Variants in GPC6 observed in about 807,000 individuals in gnomAD.
GPC6 encodes the protein glypican 6, also known as glypican-6.
In GPC6, 14 loss-of-function variants were observed where a neutral mutation model predicts 55.2. That is an observed-to-expected ratio of 0.25 (90% CI 0.17 to 0.40). The LOEUF is 0.40. Among genes scored for constraint, GPC6 ranks in the 10% least tolerant of loss-of-function variants. The pLI is 1.00. For synonymous variants in GPC6, 278 were observed against 259.6 expected (o/e 1.07, Z -0.68); for missense variants, 641 against 708.5 (o/e 0.90, Z 1.08).
chr13:93,979,325 GTGTTTT>G, intron 3 of GPC6, among the ~76,000 whole-genome samples: 1 of 139,720 alleles, frequency 7.2e-6, no homozygotes, highest in African/African-American at 2.8e-5. Context: ...GTGTTTGTGT[GTGTTTT>G]TTTGTGTGTG....
intron 1 of GPC6, among the ~76,000 whole-genome samples, chr13:93,309,912 T>A (rs1362047282): frequency 6.6e-6 from 1 of 152,184 alleles, no homozygotes; most frequent in East Asian, 1.9e-4. Flanking sequence ...CATCTACTTG[T>A]ATTGTAAAAA....
chr13:93,340,280 C>T (rs979208319), intron 1 of GPC6, among the ~76,000 whole-genome samples: 17 of 151,838 alleles, frequency 1.1e-4, no homozygotes, highest in Non-Finnish European at 4.4e-5. Flanking sequence ...GTGATCTGCC[C>T]GCCTCGGCCT....
intron 6 of GPC6, among the ~76,000 whole-genome samples, chr13:94,324,345 G>C (rs1391177102): frequency 6.7e-6 from 1 of 148,832 alleles, no homozygotes; most frequent in Non-Finnish European, 1.5e-5. Flanking sequence ...AGCCAGACAA[G>C]GTAGAAATAC....
intron 1 of GPC6, among the ~76,000 whole-genome samples, chr13:93,276,491 A>AGT (rs1400328820): frequency 3.0e-4 from 38 of 128,700 alleles, no homozygotes; most frequent in Non-Finnish European, 3.8e-4. Context: ...AGAGAGAGAG[A>AGT]GAGAGTGTGT....
chr13:93,424,102 C>T (rs1343037639), intron 1 of GPC6, among the ~76,000 whole-genome samples: 1 of 152,106 alleles, frequency 6.6e-6, no homozygotes, highest in Non-Finnish European at 1.5e-5. Context: ...CTGGGAAAAA[C>T]ACTCTGAGAC....
chr13:93,571,381 A>T (rs1478736782), intron 2 of GPC6, among the ~76,000 whole-genome samples: 2 of 152,176 alleles, frequency 1.3e-5, no homozygotes, highest in Non-Finnish European at 2.9e-5. Flanking sequence ...ATTTGCATGG[A>T]GGGAAATCTT....
intron 1 of GPC6, among the ~76,000 whole-genome samples, chr13:93,390,431 T>C (rs1198890597): frequency 6.6e-6 from 1 of 152,080 alleles, no homozygotes; most frequent in Non-Finnish European, 1.5e-5. Flanking sequence ...GAAAAGGTAA[T>C]GGGACCTCAA....
intron 2 of GPC6, among the ~76,000 whole-genome samples, chr13:93,656,505 T>G (rs1362356774): frequency 6.6e-6 from 1 of 152,152 alleles, no homozygotes; most frequent in Admixed American, 6.5e-5. Flanking sequence ...ACATATGGTT[T>G]GTACTTTATT....
intron 4 of GPC6, among the ~76,000 whole-genome samples, chr13:94,088,594 GA>G: frequency 5.6e-4 from 4 of 7,204 alleles, no homozygotes; most frequent in South Asian, 0.014. Context: ...GGGGAGGGGA[GA>G]GGAGAGGAGG....
chr13:93,700,892 A>T (rs987183345), intron 2 of GPC6, among the ~76,000 whole-genome samples: 6 of 152,134 alleles, frequency 3.9e-5, no homozygotes, highest in African/African-American at 1.4e-4. Flanking sequence ...AATATTCATT[A>T]TCACATCCAC....
intron 3 of GPC6, among the ~76,000 whole-genome samples, chr13:93,930,646 A>G (rs771678567): frequency 6.6e-6 from 1 of 152,092 alleles, no homozygotes; most frequent in African/African-American, 2.4e-5. Context: ...CTAGCAGGGC[A>G]TGGAGAATAG....
At chr13:93,972,123 C>A (rs1229924140) in intron 3 of GPC6, among the ~76,000 whole-genome samples, 1 of 152,166 alleles carries the variant, frequency 6.6e-6, no homozygotes, top group Non-Finnish European at 1.5e-5. Context: ...TTGGTCCAAT[C>A]ACATAGGTTA....
chr13:94,148,789 A>G (rs930781954), intron 4 of GPC6, among the ~76,000 whole-genome samples: 4 of 152,190 alleles, frequency 2.6e-5, no homozygotes, highest in Non-Finnish European at 4.4e-5. Context: ...CAAGTTGTCA[A>G]TGAGATTAGT....
intron 2 of GPC6, among the ~76,000 whole-genome samples, chr13:93,798,392 C>A (rs760672516): frequency 7.9e-5 from 12 of 151,928 alleles, no homozygotes; most frequent in Non-Finnish European, 1.3e-4. Flanking sequence ...AATTTTAAAC[C>A]CTGTAAAATT....
chr13:93,603,655 G>A (rs1878118101), intron 2 of GPC6, among the ~76,000 whole-genome samples: 1 of 152,186 alleles, frequency 6.6e-6, no homozygotes, highest in Non-Finnish European at 1.5e-5. Context: ...TAATTGTGAA[G>A]TAAGATTAAT....
chr13:93,273,848 G>A (rs1038833033), intron 1 of GPC6, among the ~76,000 whole-genome samples: 1 of 151,358 alleles, frequency 6.6e-6, no homozygotes, highest in Non-Finnish European at 1.5e-5. Flanking sequence ...TCACTCTGTT[G>A]CCTAGGCTGG....
intron 4 of GPC6, among the ~76,000 whole-genome samples, chr13:94,177,445 G>A (rs927932714): frequency 4.0e-5 from 6 of 151,814 alleles, no homozygotes; most frequent in Admixed American, 6.6e-5. Flanking sequence ...TTTTCACAAT[G>A]AGCCCTTTAA....
chr13:93,474,685 C>T (rs902519191), intron 1 of GPC6, among the ~76,000 whole-genome samples: 2 of 152,202 alleles, frequency 1.3e-5, no homozygotes, highest in Non-Finnish European at 2.9e-5. Context: ...CTCTACTCTT[C>T]CATATACTGT....
At chr13:93,938,159 AG>A (rs1878535934) in intron 3 of GPC6, among the ~76,000 whole-genome samples, 2 of 152,220 alleles carry the variant, frequency 1.3e-5, no homozygotes, top group African/African-American at 4.8e-5. Context: ...TTAAAAAATT[AG>A]TAGCAAATAT....
Sources: allele counts gnomAD v4.1 joint callset (sites outside exome capture counted in the v4.1 genomes callset), GRCh38; gene constraint gnomAD v4.1.1; transcripts MANE v1.5; gene names NCBI Gene and HGNC (gene_info 2026-07-23, HGNC 2026-07-21).